Variants in ATP6V1H observed in about 807,000 individuals in gnomAD.
ATP6V1H encodes V-type proton ATPase subunit H.
A neutral mutation model predicts 71.7 loss-of-function variants in ATP6V1H; 39 were observed. That is an observed-to-expected ratio of 0.54 (90% CI 0.42 to 0.71). The LOEUF (loss-of-function observed/expected upper bound fraction) is 0.71. ATP6V1H is among the 30% of genes least tolerant of loss of function. The pLI, the probability that ATP6V1H is intolerant of heterozygous loss-of-function variation, is 0.00. For synonymous variants in ATP6V1H, 192 were observed against 199.3 expected, an observed-to-expected ratio of 0.96 and a Z score of 0.31; for missense variants, 509 against 594.9, an observed-to-expected ratio of 0.86 and a Z score of 1.50.
chr8:53,783,335 T>G (rs1192146648), intron 9 of ATP6V1H, among the ~76,000 whole-genome samples: 1 of 152,174 alleles, frequency 6.6e-6, no homozygotes, highest in Non-Finnish European at 1.5e-5. Flanking sequence ...TGCATAGAGG[T>G]GTTTATAGTA....
In ATP6V1H at chr8:53,817,397, C is replaced by T. The variant is rs745836806; in HGVS notation, c.420+20G>A. The T allele has an allele frequency of 3.3e-6, 5 of 1,530,240 alleles. No individual in the cohort carries two copies. The African/African-American group carries it at 5.5e-5, about 17-fold the overall frequency. 94.8% of individuals were successfully genotyped at this position (1,530,240 alleles called of 1,614,324 possible). A position where few individuals can be genotyped will look rare whatever the true frequency, so the allele number is the denominator to read the frequency against. ...TTTAAAAAAATTTTAAAAAAAGAATCCAATCAATTCAAAATTTACCATATG... is the reference window on the plus strand; with the variant it reads ...TTTAAAAAAATTTTAAAAAAAGAATTCAATCAATTCAAAATTTACCATATG... On this transcript the variant is annotated intron_variant, in intron 5 of 13. Transcript: ENST00000359530.
chr8:53,814,826 C>G lies in ATP6V1H; in HGVS notation c.421-60G>C. On this transcript the variant is annotated intron_variant, in intron 5 of 13. Coordinates refer to ENST00000359530, the MANE Select transcript of ATP6V1H (RefSeq NM_015941.4). ...TTAATTCTAAAAATCACATCATATA[C>G]CTTAAAAAAAGGATTTGTAACAATT... 4 of 1,171,120 alleles carry G rather than the reference C, an allele frequency of 3.4e-6. No homozygotes were observed. In the East Asian group the frequency reaches 9.7e-5, roughly 29 times the overall value. The allele number at this position is 1,171,120 out of a possible 1,614,324, so 72.5% of individuals were successfully genotyped here. A position where few individuals can be genotyped will look rare whatever the true frequency, so the allele number is the denominator to read the frequency against.
Position 53,770,726 on chromosome 8 carries a change from CAAT to C in ATP6V1H, c.1050-986_1050-984del, listed in dbSNP as rs577867955. 6.5e-3 allele frequency among the ~76,000 whole-genome samples: 985 copies of C among 152,214 alleles called. 5 individuals carry two copies. Among genetic ancestry groups the C allele is most frequent in the Non-Finnish European group, 9.0e-3 (610 of 67,998 alleles). ...TTCAAATTACCAAATTCAAGATAAT[CAAT>C]AATAATTAGCTAAAATTGATTAAAT... On this transcript the variant is annotated intron_variant, in intron 10 of 13. Transcript: ENST00000359530.
intron 10 of ATP6V1H, among the ~76,000 whole-genome samples, 179 bp downstream of exon 10, chr8:53,771,810 C>T (rs974571967): frequency 6.6e-6 from 1 of 152,148 alleles, no homozygotes; most frequent in African/African-American, 2.4e-5. Context: ...AGAGATAACA[C>T]ACAGTTCTGA....
At chr8:53,815,718 A>AG (rs1810427549) in intron 5 of ATP6V1H, among the ~76,000 whole-genome samples, 29 of 152,192 alleles carry the variant, frequency 1.9e-4, no homozygotes, top group Admixed American at 1.9e-3. Flanking sequence ...AACTCATCTT[A>AG]CTGTCACAAA....
chr8:53,778,019 A>T (rs553731320), intron 9 of ATP6V1H, among the ~76,000 whole-genome samples: 1 of 152,362 alleles, frequency 6.6e-6, no homozygotes, highest in South Asian at 2.1e-4. Context: ...TAGGGCTTAT[A>T]ACATGTAAAT....
chr8:53,752,598 T>C (rs948568574), intron 12 of ATP6V1H, among the ~76,000 whole-genome samples: 18 of 152,348 alleles, frequency 1.2e-4, no homozygotes, highest in African/African-American at 4.3e-4. Flanking sequence ...GTTGCCAGGC[T>C]GGAGTGCAGT....
chr8:53,781,241 T>C (rs1585779873), intron 9 of ATP6V1H, among the ~76,000 whole-genome samples: 1 of 152,316 alleles, frequency 6.6e-6, no homozygotes, highest in East Asian at 1.9e-4. Context: ...TTCTAACTGG[T>C]GTGAGATGGT....
chr8:53,819,493 C>T (rs1810561235), intron 4 of ATP6V1H, among the ~76,000 whole-genome samples: 1 of 135,728 alleles, frequency 7.4e-6, no homozygotes, highest in African/African-American at 2.8e-5. Context: ...GATTGTGCCA[C>T]TGCACTCCAG....
chr8:53,765,253 T>C (rs1007784827), intron 11 of ATP6V1H, among the ~76,000 whole-genome samples: 2 of 151,608 alleles, frequency 1.3e-5, no homozygotes, highest in African/African-American at 4.8e-5. Flanking sequence ...AATACAAAAA[T>C]GAGCTGGGCG....
chr8:53,744,334 C>T (rs190547491), intron 12 of ATP6V1H, among the ~76,000 whole-genome samples: 1 of 152,082 alleles, frequency 6.6e-6, no homozygotes, highest in Non-Finnish European at 1.5e-5. Context: ...ACACTTCCGA[C>T]ATCCTGAAAA....
intron 1 of ATP6V1H, chr8:53,842,394 C>A (rs1472146915): frequency 6.6e-6 from 1 of 152,234 alleles, no homozygotes; most frequent in African/African-American, 2.4e-5. Context: ...GTAATTCTCA[C>A]TCCTAAACTT....
chr8:53,823,063 A>C (rs564852098), intron 4 of ATP6V1H, among the ~76,000 whole-genome samples: 1 of 152,238 alleles, frequency 6.6e-6, no homozygotes, highest in East Asian at 1.9e-4. Flanking sequence ...TCTTAGTACA[A>C]AAAAAACCAG....
rs144776622 is a variant in ATP6V1H, at chr8:53,798,453, G to A, written c.678-2614C>T. Among the ~76,000 whole-genome samples, 466 of 152,094 alleles carry A rather than the reference G, an allele frequency of 3.1e-3. 3 individuals carry two copies. The highest frequency in any genetic ancestry group is 0.011 in the African/African-American group (447 of 41,494). On this transcript the variant is annotated intron_variant, in intron 8 of 13. Coordinates refer to ENST00000359530, the MANE Select transcript of ATP6V1H (RefSeq NM_015941.4). ...GCAGAATTATTTGAACCCAGGAGGC[G>A]GAGGTTGCAGTGAGCTGAGATTGCA...
intron 12 of ATP6V1H, among the ~76,000 whole-genome samples, chr8:53,747,107 G>T (rs1807629014): frequency 6.6e-6 from 1 of 152,072 alleles, no homozygotes; most frequent in Non-Finnish European, 1.5e-5. Context: ...TGTTCTAAAG[G>T]TCTTTTTCTA....
At chr8:53,826,085 C>A (rs1266697024) in intron 4 of ATP6V1H, among the ~76,000 whole-genome samples, 1 of 152,034 alleles carries the variant, frequency 6.6e-6, no homozygotes, top group Non-Finnish European at 1.5e-5. Context: ...AATGTAAAAG[C>A]AACCTTTAAG....
At chr8:53,735,557 C>G (rs1244210705) in intron 13 of ATP6V1H, among the ~76,000 whole-genome samples, 3 of 152,162 alleles carry the variant, frequency 2.0e-5, no homozygotes, top group African/African-American at 7.2e-5. Context: ...CCCCACCAAA[C>G]AAACTAGGTA....
rs183922612 is a variant in ATP6V1H, at chr8:53,809,751, T to C, written c.579+1413A>G. 2.2e-3 allele frequency among the ~76,000 whole-genome samples: 338 copies of C among 152,340 alleles called. 2 individuals carry two copies. Among genetic ancestry groups the C allele is most frequent in the African/African-American group, 7.9e-3 (327 of 41,580 alleles). ...AAATAAGCTAAATAATTTTTCAAAC[T>C]GGTAGAAATTCAAGACACATGAAAT... On this transcript the variant is annotated intron_variant, in intron 7 of 13. Transcript: ENST00000359530.
chr8:53,787,911 C>G (rs1001170424), intron 9 of ATP6V1H, among the ~76,000 whole-genome samples: 1 of 152,130 alleles, frequency 6.6e-6, no homozygotes, highest in South Asian at 2.1e-4. Flanking sequence ...TTGTTCAGCT[C>G]ACAGTAGCTC....
Sources: gnomAD v4.1 joint callset for allele counts (sites outside exome capture counted in the v4.1 genomes callset) on GRCh38, gnomAD v4.1.1 for gene constraint, MANE v1.5 for transcripts, NCBI Gene and HGNC (gene_info 2026-07-23, HGNC 2026-07-21) for gene names.